Variants in MAOB observed in about 807,000 individuals in gnomAD.
The protein encoded by MAOB is amine oxidase [flavin-containing] B.
A neutral mutation model predicts 41.9 loss-of-function variants in MAOB; 15 were observed. That is an observed-to-expected ratio of 0.36 (90% CI 0.24 to 0.55). The LOEUF is 0.55. Ranked by LOEUF, MAOB falls within the 20% of genes least tolerant of loss-of-function variation. The pLI is 0.86. For synonymous variants in MAOB, 167 were observed against 144.2 expected, an observed-to-expected ratio of 1.16 and a Z score of -1.13; for missense variants, 345 against 398.7, an observed-to-expected ratio of 0.87 and a Z score of 1.15.
intron 3 of MAOB, among the ~76,000 whole-genome samples, chrX:43,832,169 C>G (rs1186753961): frequency 9.0e-6 from 1 of 111,521 alleles, no homozygotes; most frequent in Non-Finnish European, 1.9e-5. Flanking sequence ...AGCCAGCAAA[C>G]AGGTGCCACA....
At chrX:43,850,369 C>A in intron 1 of MAOB, 1 of 748,968 alleles carries the variant, frequency 1.3e-6, no homozygotes, top group Non-Finnish European at 1.6e-6. Flanking sequence ...GGGACTGTAT[C>A]ATTAGAGGAA....
At chrX:43,768,279 G>A (rs1403672623) in intron 14 of MAOB, among the ~76,000 whole-genome samples, 1 of 111,449 alleles carries the variant, frequency 9.0e-6, no homozygotes, top group African/African-American at 3.3e-5. Context: ...CCATTTGTTT[G>A]TCCCTGGACA....
chrX:43,807,926 C>A (rs890162927), intron 3 of MAOB, among the ~76,000 whole-genome samples: 1 of 111,404 alleles, frequency 9.0e-6, no homozygotes. Flanking sequence ...TACTTTGGTT[C>A]CTTATGTTAT....
At chrX:43,831,841 T>C (rs2035022786) in intron 3 of MAOB, among the ~76,000 whole-genome samples, 1 of 111,478 alleles carries the variant, frequency 9.0e-6, no homozygotes, top group Non-Finnish European at 1.9e-5. Flanking sequence ...GATTGATTCA[T>C]TGCTATGAAA....
chrX:43,864,193 G>A lies in MAOB; in HGVS notation c.46+18061C>T, dbSNP rs1404292556. 6.3e-5 allele frequency among the ~76,000 whole-genome samples: 7 copies of A among 111,087 alleles called. No individual in the cohort carries two copies. In the South Asian group the frequency reaches 1.5e-3, roughly 24 times the overall value. ...TATAAATATATTCATGTAAGTAAAC[G>A]CATTTCATATATGCACACATTAAAT... On this transcript the variant is annotated intron_variant, in intron 1 of 14. Coordinates refer to ENST00000378069, the MANE Select transcript of MAOB (RefSeq NM_000898.5).
intron 11 of MAOB, 148 bp from the exon 12 acceptor site, chrX:43,775,420 T>A: frequency 1.0e-6 from 1 of 954,963 alleles, no homozygotes; most frequent in Non-Finnish European, 1.4e-6. Flanking sequence ...TAAAGATATG[T>A]CTTTGGGCAG....
At chrX:43,790,751 A>G (rs1385384357) in intron 8 of MAOB, among the ~76,000 whole-genome samples, 2 of 110,537 alleles carry the variant, frequency 1.8e-5, no homozygotes, top group Admixed American at 1.9e-4. Flanking sequence ...CTTGCCCACA[A>G]TCATTTTTTA....
intron 3 of MAOB, among the ~76,000 whole-genome samples, chrX:43,818,032 C>T (rs1037123423): frequency 1.8e-5 from 2 of 112,009 alleles, no homozygotes; most frequent in African/African-American, 6.5e-5. Flanking sequence ...AAATAAATAT[C>T]TGATAGTGTG....
intron 1 of MAOB, among the ~76,000 whole-genome samples, chrX:43,867,888 A>C (rs1486361706): frequency 1.8e-5 from 2 of 112,475 alleles, no homozygotes; most frequent in Non-Finnish European, 3.8e-5. Context: ...ATATTGAAAA[A>C]TGATGCTAAA....
intron 3 of MAOB, among the ~76,000 whole-genome samples, chrX:43,819,178 G>T (rs1176640324): frequency 8.9e-6 from 1 of 111,892 alleles, no homozygotes; most frequent in Non-Finnish European, 1.9e-5. Flanking sequence ...GGCAGATGCT[G>T]TGATGAGCTT....
chrX:43,778,605 T>C, intron 11 of MAOB, 77 bp downstream of exon 11: 2 of 854,288 alleles, frequency 2.3e-6, no homozygotes. Flanking sequence ...CCAACTTGCA[T>C]TAACCTATCC....
At chrX:43,866,631 T>C in intron 1 of MAOB, among the ~76,000 whole-genome samples, 1 of 112,629 alleles carries the variant, frequency 8.9e-6, no homozygotes. Flanking sequence ...GTTCTGGAGA[T>C]GGATGGTGGT....
intron 11 of MAOB, among the ~76,000 whole-genome samples, chrX:43,777,566 CA>C (rs1569209803): frequency 9.0e-6 from 1 of 111,206 alleles, no homozygotes; most frequent in African/African-American, 3.3e-5. Context: ...AAATAGTGAA[CA>C]AAAATGACAA....
chrX:43,850,342 T>C, intron 1 of MAOB: 1 of 746,444 alleles, frequency 1.3e-6, no homozygotes, highest in East Asian at 1.5e-4. Flanking sequence ...CTGGAGTCTA[T>C]CAATGTCCAA....
chrX:43,878,408 T>TTG (rs66511222), intron 1 of MAOB, among the ~76,000 whole-genome samples: 2,036 of 88,854 alleles, frequency 0.023, 27 homozygotes, highest in South Asian at 0.025. Context: ...TACCCAGCCT[T>TTG]TGTGTGTGTG....
At chrX:43,809,304 C>G (rs968925509) in intron 3 of MAOB, among the ~76,000 whole-genome samples, 1 of 112,270 alleles carries the variant, frequency 8.9e-6, no homozygotes, top group Non-Finnish European at 1.9e-5. Flanking sequence ...GCCCTCCTAA[C>G]TCAGGAATGC....
chrX:43,876,845 C>T (rs1165581461), intron 1 of MAOB, among the ~76,000 whole-genome samples: 4 of 112,169 alleles, frequency 3.6e-5, no homozygotes, highest in Non-Finnish European at 5.6e-5. Flanking sequence ...TGTGCATGCA[C>T]GCGTGTGTGT....
chrX:43,840,993 T>C (rs1427995964), intron 2 of MAOB, among the ~76,000 whole-genome samples: 1 of 108,409 alleles, frequency 9.2e-6, no homozygotes, highest in Admixed American at 9.9e-5. Flanking sequence ...GGGAGCCAAG[T>C]GATCTAGCTC....
intron 1 of MAOB, among the ~76,000 whole-genome samples, chrX:43,846,662 G>A (rs2147168096): frequency 9.0e-6 from 1 of 111,515 alleles, no homozygotes; most frequent in East Asian, 2.8e-4. Context: ...GTCTGGTCAA[G>A]AGGTGATTAA....
Sources: gnomAD v4.1 joint callset for allele counts (sites outside exome capture counted in the v4.1 genomes callset) on GRCh38, gnomAD v4.1.1 for gene constraint, MANE v1.5 for transcripts, NCBI Gene and HGNC (gene_info 2026-07-23, HGNC 2026-07-21) for gene names.